Variants in PKNOX2 observed in about 807,000 individuals in gnomAD.
The protein encoded by PKNOX2 is homeobox protein PKNOX2.
Under a neutral mutation model 53.1 loss-of-function variants are expected in PKNOX2, and 14 were observed. The ratio of observed to expected loss-of-function variants is 0.26; its 90% CI spans 0.17 to 0.41. PKNOX2 has a LOEUF of 0.41. Among genes scored for constraint, PKNOX2 ranks in the 10% least tolerant of loss-of-function variants. The pLI is 1.00. For missense variants in PKNOX2, 496 were observed against 602.8 expected (o/e 0.82, Z 1.85); for synonymous variants, 257 against 242.8 (o/e 1.06, Z -0.54).
chr11:125,318,217 C>T (rs1949319846), intron 2 of PKNOX2, among the ~76,000 whole-genome samples: 1 of 152,110 alleles, frequency 6.6e-6, no homozygotes, highest in East Asian at 1.9e-4. Flanking sequence ...AGTGATTATC[C>T]TGCCTCAGCC....
intron 5 of PKNOX2, among the ~76,000 whole-genome samples, chr11:125,379,897 T>C (rs1475919686): frequency 6.6e-6 from 1 of 152,122 alleles, no homozygotes; most frequent in Non-Finnish European, 1.5e-5. Flanking sequence ...AAGACTGCAA[T>C]TCTGTGGAGA....
intron 1 of PKNOX2, among the ~76,000 whole-genome samples, chr11:125,222,393 G>T (rs1941237876): frequency 6.6e-6 from 1 of 152,052 alleles, no homozygotes; most frequent in East Asian, 1.9e-4. Flanking sequence ...GGAGCAGTTT[G>T]ATGTTTTTCA....
chr11:125,407,584 T>C (rs771385464), intron 7 of PKNOX2, among the ~76,000 whole-genome samples: 1 of 151,998 alleles, frequency 6.6e-6, no homozygotes, highest in South Asian at 2.1e-4. Flanking sequence ...GTGAATGGCA[T>C]GGAGGTACCC....
intron 1 of PKNOX2, among the ~76,000 whole-genome samples, 177 bp from the exon 2 acceptor site, chr11:125,234,868 T>G (rs899644310): frequency 1.4e-4 from 21 of 151,672 alleles, no homozygotes; most frequent in Non-Finnish European, 2.5e-4. Flanking sequence ...ACAATAATGG[T>G]TTTGCTAGGA....
intron 4 of PKNOX2, among the ~76,000 whole-genome samples, chr11:125,357,593 C>T (rs572819020): frequency 6.0e-5 from 9 of 150,834 alleles, no homozygotes; most frequent in Non-Finnish European, 8.8e-5. Context: ...AAGTCAGCAG[C>T]GGGTCTGGGG....
intron 1 of PKNOX2, among the ~76,000 whole-genome samples, chr11:125,173,266 T>G (rs1955455403): frequency 6.6e-6 from 1 of 152,240 alleles, no homozygotes; most frequent in Non-Finnish European, 1.5e-5. Flanking sequence ...TGCCCTTGTG[T>G]GATCCTCTTA....
chr11:125,200,323 C>A (rs527330820), intron 1 of PKNOX2, among the ~76,000 whole-genome samples: 1 of 152,206 alleles, frequency 6.6e-6, no homozygotes, highest in African/African-American at 2.4e-5. Flanking sequence ...ATTTCCTCCC[C>A]CTACACCTTA....
At chr11:125,323,854 G>A (rs1432493241) in intron 2 of PKNOX2, among the ~76,000 whole-genome samples, 1 of 143,072 alleles carries the variant, frequency 7.0e-6, no homozygotes, top group Non-Finnish European at 1.5e-5. Context: ...TGTTTCTGGG[G>A]TTGTGTGTGT....
At chr11:125,373,948 A>G (rs1952696848) in intron 5 of PKNOX2, among the ~76,000 whole-genome samples, 2 of 152,072 alleles carry the variant, frequency 1.3e-5, no homozygotes, top group South Asian at 4.2e-4. Context: ...CAGCCACGCT[A>G]CCAATCCTGG....
intron 2 of PKNOX2, among the ~76,000 whole-genome samples, chr11:125,310,363 C>A (rs891515376): frequency 6.6e-6 from 1 of 151,968 alleles, no homozygotes; most frequent in Non-Finnish European, 1.5e-5. Context: ...GGCATGGTGG[C>A]GCATGCCTGT....
chr11:125,367,773 A>G (rs1363933836), intron 4 of PKNOX2, 73 bp from the exon 5 acceptor site: 4 of 1,518,742 alleles, frequency 2.6e-6, no homozygotes, highest in East Asian at 2.3e-5. Flanking sequence ...GCCAAGGCGG[A>G]CCTCACACTA....
In PKNOX2 at chr11:125,410,218, A is replaced by G. The variant is rs1955420232; in HGVS notation, c.611A>G (p.Asn204Ser). Residue 204 changes from asparagine (N) to serine (S), a missense_variant, in exon 8 of 13, where the codon AAT becomes AGT. Physicochemically the swap from Asn to Ser is conservative, Grantham distance 46 (BLOSUM62 1). Coordinates refer to ENST00000298282, the MANE Select transcript of PKNOX2 (RefSeq NM_001382323.2). The stretch of plus-strand genomic sequence containing the variant: ...CAGGACCTCCTGCAGAATTCCCCCA[A>G]TTCCATGTCCGGAGTCTCCAATAAC... ...HSQDLLQNSP[N>S]SMSGVSNNPQ... 1.9e-6 allele frequency: 3 copies of G among 1,613,860 alleles called. No homozygotes were observed. The highest frequency in any genetic ancestry group is 1.3e-5 in the African/African-American group (1 of 74,868).
chr11:125,420,863 T>C (rs147427206), intron 10 of PKNOX2, among the ~76,000 whole-genome samples: 118 of 152,226 alleles, frequency 7.8e-4, no homozygotes, highest in African/African-American at 9.4e-4. Flanking sequence ...CGCTGAAGGT[T>C]CACTTGCATC....
At chr11:125,359,080 C>CAAAGGCAGGAAGGTGGACACCATCGG (rs1565505768) in intron 4 of PKNOX2, among the ~76,000 whole-genome samples, 2 of 135,798 alleles carry the variant, frequency 1.5e-5, no homozygotes, top group African/African-American at 3.0e-5. Flanking sequence ...GCTGTGGGAG[C>CAAAGGCAGGAAGGTGGACACCATCGG]AAAGGCAGGA....
At chr11:125,180,736 G>A (rs1372189345) in intron 1 of PKNOX2, among the ~76,000 whole-genome samples, 26 of 152,216 alleles carry the variant, frequency 1.7e-4, no homozygotes, top group Admixed American at 1.7e-3. Flanking sequence ...TGCTCCTGGG[G>A]CCACATGGCC....
intron 2 of PKNOX2, among the ~76,000 whole-genome samples, chr11:125,278,262 C>T (rs975921062): frequency 6.6e-6 from 1 of 150,706 alleles, no homozygotes; most frequent in East Asian, 1.9e-4. Flanking sequence ...AGGGAATACA[C>T]ACCCATCTCC....
intron 1 of PKNOX2, among the ~76,000 whole-genome samples, chr11:125,193,565 A>C (rs1307300119): frequency 1.3e-5 from 2 of 152,216 alleles, no homozygotes; most frequent in African/African-American, 4.8e-5. Flanking sequence ...TGTCTGCATG[A>C]AATACAGAGC....
At chr11:125,354,544 A>G (rs931069300) in intron 4 of PKNOX2, among the ~76,000 whole-genome samples, 1 of 152,220 alleles carries the variant, frequency 6.6e-6, no homozygotes, top group Admixed American at 6.5e-5. Flanking sequence ...GACCCATGCG[A>G]TCGTTTTAAT....
chr11:125,339,989 G>T (rs1245537546), intron 3 of PKNOX2, among the ~76,000 whole-genome samples: 1 of 152,214 alleles, frequency 6.6e-6, no homozygotes, highest in Non-Finnish European at 1.5e-5. Flanking sequence ...CTTCGTCTCA[G>T]TCGTATTATG....
Sources: gnomAD v4.1 joint callset for allele counts (sites outside exome capture counted in the v4.1 genomes callset) on GRCh38, gnomAD v4.1.1 for gene constraint, MANE v1.5 for transcripts, NCBI Gene and HGNC (gene_info 2026-07-23, HGNC 2026-07-21) for gene names.